Variants in FHIT observed in about 807,000 individuals in gnomAD.
FHIT encodes the protein bis(5'-adenosyl)-triphosphatase.
FHIT carries 19 observed loss-of-function variants against 17.9 expected under a neutral mutation model. That is an observed-to-expected ratio of 1.06 (90% CI 0.74 to 1.56). FHIT has a LOEUF of 1.56. Ranked by LOEUF, FHIT falls within the 40% of genes most tolerant of loss-of-function variation. FHIT has a pLI of 0.00. For missense variants in FHIT, 248 were observed against 189.2 expected (o/e 1.31, Z -1.82); for synonymous variants, 81 against 69.7 (o/e 1.16, Z -0.81).
In FHIT at chr3:61,205,281, T is replaced by C. The variant is rs552514796; in HGVS notation, c.-212-4616A>G. 8.6e-3 allele frequency among the ~76,000 whole-genome samples: 1,315 copies of C among 152,228 alleles called. 13 individuals carry two copies. Among genetic ancestry groups the C allele is most frequent in the African/African-American group, 0.029 (1,210 of 41,516 alleles). On this transcript the variant is annotated intron_variant, in intron 1 of 9. Coordinates refer to ENST00000492590, the MANE Select transcript of FHIT (RefSeq NM_002012.4). ...ATTGTGAATAGTGCCACAATAAACATACGTGTGCATGTGTCTTTATAGCAG... is the reference window on the plus strand; with the variant it reads ...ATTGTGAATAGTGCCACAATAAACACACGTGTGCATGTGTCTTTATAGCAG...
chr3:60,317,774 G>A (rs12490488), intron 5 of FHIT, among the ~76,000 whole-genome samples: 38,104 of 145,484 alleles, frequency 0.26, 5,729 homozygotes, highest in East Asian at 0.68. Flanking sequence ...TTCCATTCTG[G>A]GCAAGTTTTT....
intron 7 of FHIT, among the ~76,000 whole-genome samples, chr3:59,957,216 A>C (rs1707448902): frequency 6.6e-6 from 1 of 152,194 alleles, no homozygotes; most frequent in African/African-American, 2.4e-5. Flanking sequence ...ATCAAGTTAA[A>C]ATTATGCCCT....
intron 8 of FHIT, among the ~76,000 whole-genome samples, chr3:59,762,344 A>G (rs1407751797): frequency 6.6e-6 from 1 of 152,200 alleles, no homozygotes; most frequent in South Asian, 2.1e-4. Flanking sequence ...GTAGGTTTTC[A>G]ATAAGCATTG....
At chr3:60,322,309 C>T (rs1559818287) in intron 5 of FHIT, among the ~76,000 whole-genome samples, 1 of 152,270 alleles carries the variant, frequency 6.6e-6, no homozygotes, top group Middle Eastern at 3.4e-3. Context: ...TGACATACTA[C>T]AATGTGAAGG....
chr3:59,878,089 C>A (rs1473306044), intron 8 of FHIT, among the ~76,000 whole-genome samples: 1 of 152,042 alleles, frequency 6.6e-6, no homozygotes, highest in Non-Finnish European at 1.5e-5. Context: ...AAAAAATCTG[C>A]CTCATATAAA....
intron 4 of FHIT, among the ~76,000 whole-genome samples, chr3:60,604,020 A>G (rs782424006): frequency 3.9e-5 from 6 of 152,198 alleles, no homozygotes; most frequent in Admixed American, 6.5e-5. Context: ...TTGAGTGTCT[A>G]CTATGTACTA....
chr3:61,187,449 T>C (rs567346417), intron 2 of FHIT, among the ~76,000 whole-genome samples: 4 of 152,136 alleles, frequency 2.6e-5, no homozygotes, highest in African/African-American at 7.2e-5. Context: ...TAGAGACCTA[T>C]AAAGAGATTT....
chr3:61,219,392 C>A (rs910078940), intron 1 of FHIT, among the ~76,000 whole-genome samples: 1 of 150,944 alleles, frequency 6.6e-6, no homozygotes, highest in Non-Finnish European at 1.5e-5. Flanking sequence ...ATCCAAAATG[C>A]GAGCAAGTCA....
chr3:60,504,119 G>C (rs1365134458), intron 5 of FHIT, among the ~76,000 whole-genome samples: 1 of 152,134 alleles, frequency 6.6e-6, no homozygotes, highest in Non-Finnish European at 1.5e-5. Context: ...CATATTGATA[G>C]CCACCAATGT....
intron 5 of FHIT, among the ~76,000 whole-genome samples, chr3:60,287,051 C>T (rs768435524): frequency 1.2e-4 from 18 of 152,020 alleles, no homozygotes; most frequent in African/African-American, 3.4e-4. Flanking sequence ...CTCCTGATGC[C>T]GAAAAAACCA....
At chr3:60,900,462 A>C (rs1337634488) in intron 3 of FHIT, among the ~76,000 whole-genome samples, 2 of 152,066 alleles carry the variant, frequency 1.3e-5, no homozygotes, top group African/African-American at 4.8e-5. Context: ...AAAAAGAAAA[A>C]TCCTCAGTAA....
At chr3:59,992,178 T>G (rs945633577) in intron 7 of FHIT, among the ~76,000 whole-genome samples, 8 of 152,170 alleles carry the variant, frequency 5.3e-5, no homozygotes, top group African/African-American at 1.9e-4. Context: ...CTACTTCCCT[T>G]CAGAAATTAG....
intron 5 of FHIT, among the ~76,000 whole-genome samples, chr3:60,368,768 T>C (rs1177059926): frequency 6.6e-6 from 1 of 152,158 alleles, no homozygotes; most frequent in East Asian, 1.9e-4. Context: ...AGATATTTTT[T>C]CTCTAATTTG....
chr3:60,972,241 G>A (rs1465643744), intron 3 of FHIT, among the ~76,000 whole-genome samples: 2 of 151,998 alleles, frequency 1.3e-5, no homozygotes, highest in Non-Finnish European at 2.9e-5. Flanking sequence ...CTCTGACTGA[G>A]GAGCTCCTTT....
intron 2 of FHIT, among the ~76,000 whole-genome samples, chr3:61,045,909 A>C (rs1457949302): frequency 6.6e-6 from 1 of 152,228 alleles, no homozygotes; most frequent in Non-Finnish European, 1.5e-5. Context: ...TAACGAAATG[A>C]AGGCAGAAAT....
At chr3:60,042,152 T>C (rs1007045056) in intron 5 of FHIT, among the ~76,000 whole-genome samples, 2 of 152,166 alleles carry the variant, frequency 1.3e-5, no homozygotes, top group African/African-American at 4.8e-5. Flanking sequence ...GCTCTTTGTG[T>C]TCAATCAATC....
chr3:60,239,038 C>T (rs1035845755), intron 5 of FHIT, among the ~76,000 whole-genome samples: 1 of 152,108 alleles, frequency 6.6e-6, no homozygotes, highest in African/African-American at 2.4e-5. Context: ...ATATACTTAG[C>T]CCAGGTCTGT....
chr3:60,253,988 T>A (rs2107597154), intron 5 of FHIT, among the ~76,000 whole-genome samples: 1 of 152,318 alleles, frequency 6.6e-6, no homozygotes, highest in Admixed American at 6.5e-5. Context: ...AACCTACAAT[T>A]GGTTGCAAGT....
intron 5 of FHIT, among the ~76,000 whole-genome samples, chr3:60,303,743 C>T (rs560997522): frequency 7.2e-5 from 11 of 152,278 alleles, no homozygotes; most frequent in South Asian, 2.1e-4. Context: ...CTAGAACCTC[C>T]GCAGGCTTTG....
Sources: gnomAD v4.1 joint callset for allele counts (sites outside exome capture counted in the v4.1 genomes callset) on GRCh38, gnomAD v4.1.1 for gene constraint, MANE v1.5 for transcripts, NCBI Gene and HGNC (gene_info 2026-07-23, HGNC 2026-07-21) for gene names.